Variants in MAGEB10 observed in about 807,000 individuals in gnomAD.
MAGEB10 encodes melanoma-associated antigen B10.
For synonymous variants in MAGEB10, 99 were observed against 101.0 expected (o/e 0.98, Z 0.12); for missense variants, 190 against 261.9 (o/e 0.73, Z 1.89).
intron 1 of MAGEB10, among the ~76,000 whole-genome samples, chrX:27,814,223 A>T (rs1211622482): frequency 9.0e-6 from 1 of 111,136 alleles, no homozygotes; most frequent in African/African-American, 3.3e-5. Context: ...CCCCAACAGG[A>T]CCCGGTGTGT....
intron 1 of MAGEB10, chrX:27,812,765 C>T: frequency 2.7e-6 from 1 of 365,285 alleles, no homozygotes; most frequent in Non-Finnish European, 5.5e-6. Context: ...TGGCCAAGAT[C>T]CATGGTACAG....
chrX:27,811,147 G>A (rs946462029), intron 1 of MAGEB10, among the ~76,000 whole-genome samples: 1 of 110,003 alleles, frequency 9.1e-6, no homozygotes, highest in African/African-American at 3.3e-5. Flanking sequence ...GATTCATAGA[G>A]CCCTAAGAGT....
At chrX:27,816,468 AT>A (rs1455958482) in intron 1 of MAGEB10, among the ~76,000 whole-genome samples, 1 of 111,749 alleles carries the variant, frequency 8.9e-6, no homozygotes, top group Non-Finnish European at 1.9e-5. Flanking sequence ...CTGGTTTTTC[AT>A]TGCGCCTAAG....
intron 1 of MAGEB10, among the ~76,000 whole-genome samples, chrX:27,816,760 A>T (rs1923790230): frequency 8.9e-6 from 1 of 112,056 alleles, no homozygotes; most frequent in African/African-American, 3.2e-5. Flanking sequence ...TTTAGCAAAG[A>T]TATTTGATAT....
In MAGEB10 at chrX:27,822,258, G is replaced by A. The variant is rs772482469; in HGVS notation, c.952G>A (p.Ala318Thr). 8.3e-7 allele frequency: 1 copy of A among 1,210,047 alleles called. No individual in the cohort carries two copies. The highest frequency in any genetic ancestry group is 1.8e-5 in the South Asian group (1 of 56,706). The change falls in exon 3 of 3, where the codon GCC becomes ACC. Residue 318 changes from alanine to threonine, a missense_variant. Ala to Thr is a moderately conservative substitution (Grantham distance 58). Coordinates refer to ENST00000356790, the MANE Select transcript of MAGEB10 (RefSeq NM_182506.3). ...TEALQDEEER[A>T]RARVAAKARV... ...GGCTTTACAAGATGAGGAAGAGAGA[G>A]CCAGAGCCAGAGTTGCAGCCAAGGC...
intron 1 of MAGEB10, chrX:27,812,038 C>T (rs1923697571): frequency 1.7e-5 from 2 of 114,725 alleles, no homozygotes; most frequent in South Asian, 6.3e-4. Flanking sequence ...CCTGAGAGGT[C>T]ATCTGCTGTC....
At chrX:27,816,436 G>A (rs1268216844) in intron 1 of MAGEB10, among the ~76,000 whole-genome samples, 1 of 111,628 alleles carries the variant, frequency 9.0e-6, no homozygotes, top group Non-Finnish European at 1.9e-5. Flanking sequence ...ATTCTTGTCT[G>A]TATCTGCGCC....
intron 1 of MAGEB10, among the ~76,000 whole-genome samples, chrX:27,810,630 C>T (rs567714080): frequency 1.5e-3 from 167 of 111,105 alleles, no homozygotes; most frequent in African/African-American, 4.8e-3. Flanking sequence ...CTAAGGCTAG[C>T]GCATTGAGGT....
intron 1 of MAGEB10, among the ~76,000 whole-genome samples, chrX:27,814,872 T>G (rs144117777): frequency 2.9e-3 from 331 of 112,301 alleles, no homozygotes; most frequent in Non-Finnish European, 5.2e-3. Flanking sequence ...GTCTTTTAAT[T>G]CATTTCTCTT....
intron 2 of MAGEB10, among the ~76,000 whole-genome samples, chrX:27,818,624 T>C (rs914220077): frequency 8.9e-6 from 1 of 111,829 alleles, no homozygotes; most frequent in African/African-American, 3.3e-5. Flanking sequence ...AGAGGGCTGA[T>C]TTTTTGTTGC....
chrX:27,809,685 C>T (rs1490985599), intron 1 of MAGEB10, among the ~76,000 whole-genome samples: 3 of 89,226 alleles, frequency 3.4e-5, no homozygotes, highest in Non-Finnish European at 6.6e-5. Context: ...GGGCGCATGG[C>T]GCGGGACTGG....
At chrX:27,820,053 T>C (rs1198488600) in intron 2 of MAGEB10, among the ~76,000 whole-genome samples, 2 of 110,216 alleles carry the variant, frequency 1.8e-5, no homozygotes, top group African/African-American at 3.3e-5. Context: ...GAGGACAGCA[T>C]TGGACCAAGG....
intron 1 of MAGEB10, among the ~76,000 whole-genome samples, chrX:27,815,701 T>C (rs1222342137): frequency 6.2e-5 from 7 of 112,285 alleles, no homozygotes; most frequent in Admixed American, 5.7e-4. Context: ...CTATAAATCC[T>C]GGTGTACTAG....
intron 1 of MAGEB10, among the ~76,000 whole-genome samples, chrX:27,815,448 G>T (rs1391265002): frequency 8.9e-6 from 1 of 111,955 alleles, no homozygotes; most frequent in East Asian, 2.8e-4. Context: ...TGTGAGTCAG[G>T]TCAGACTTGG....
intron 1 of MAGEB10, among the ~76,000 whole-genome samples, chrX:27,809,358 G>A (rs1399300767): frequency 1.1e-5 from 1 of 92,063 alleles, no homozygotes; most frequent in Admixed American, 1.2e-4. Flanking sequence ...CCTGCAGCCC[G>A]CCATTCCTGA....
chrX:27,821,812 A>T lies in MAGEB10; in HGVS notation c.506A>T (p.Lys169Met). The T allele has an allele frequency of 8.3e-7, 1 of 1,211,739 alleles. No individual in the cohort carries two copies. Among genetic ancestry groups the T allele is most frequent in the Non-Finnish European group, 1.1e-6 (1 of 895,589 alleles). The stretch of plus-strand genomic sequence containing the variant: ...GAGCTGATCTTTGGTCTTGACCTGA[A>T]GGAAGTGGAGCCTAATAAGCACATC... ...HLELIFGLDL[K>M]EVEPNKHIYV... The change falls in exon 3 of 3, where the codon AAG becomes ATG. Residue 169 changes from lysine (K) to methionine (M), a missense_variant. Coordinates refer to ENST00000356790, the MANE Select transcript of MAGEB10 (RefSeq NM_182506.3).
chrX:27,819,204 CAGG>C (rs1923838922), intron 2 of MAGEB10, among the ~76,000 whole-genome samples: 1 of 110,746 alleles, frequency 9.0e-6, no homozygotes, highest in Non-Finnish European at 1.9e-5. Flanking sequence ...TGACTCAGAT[CAGG>C]AGGAGGAGTC....
intron 1 of MAGEB10, chrX:27,811,784 G>A (rs189729704): frequency 8.7e-6 from 1 of 115,237 alleles, no homozygotes; most frequent in Admixed American, 9.4e-5. Context: ...TAAAGTCAAG[G>A]TGATATCTTC....
chrX:27,814,587 G>A (rs1276630745), intron 1 of MAGEB10, among the ~76,000 whole-genome samples: 1 of 111,696 alleles, frequency 9.0e-6, no homozygotes, highest in Non-Finnish European at 1.9e-5. Flanking sequence ...GATTTCAATA[G>A]GGCCTGGGGT....
Sources: gnomAD v4.1 joint callset for allele counts (sites outside exome capture counted in the v4.1 genomes callset) on GRCh38, gnomAD v4.1.1 for gene constraint, MANE v1.5 for transcripts, NCBI Gene and HGNC (gene_info 2026-07-23, HGNC 2026-07-21) for gene names.